Variants in CCDC9 observed in about 807,000 individuals in gnomAD.
The protein encoded by CCDC9 is coiled-coil domain-containing protein 9.
A neutral mutation model predicts 65.6 loss-of-function variants in CCDC9; 52 were observed. The observed-to-expected ratio is 0.79, with a 90% CI of 0.63 to 1.00. The LOEUF (loss-of-function observed/expected upper bound fraction) is 1.00, where lower values mean the gene tolerates loss of function less well. Among genes scored for constraint, CCDC9 ranks in the 50% least tolerant of loss-of-function variants. The pLI, the probability that CCDC9 is intolerant of heterozygous loss-of-function variation, is 0.00. For missense variants in CCDC9, 834 were observed against 757.2 expected (o/e 1.10, Z -1.19); for synonymous variants, 332 against 280.3 (o/e 1.18, Z -1.84).
rs755164287 is a variant in CCDC9 at position 47,266,838 on chromosome 19, GGC to G, written c.902+47_902+48del. 1.3e-5 allele frequency: 21 copies of G among 1,562,878 alleles called. 1 individual carries two copies. In the South Asian group the frequency reaches 2.3e-4, roughly 17 times the overall value. On this transcript the variant is annotated intron_variant, in intron 8 of 11. Transcript: ENST00000221922. ...TCTCCCCATGTGGCACGTTGACCTT[GGC>G]CCTGACTTCTAAGTCCTATGCCTCT... is the stretch of plus-strand genomic sequence containing the variant.
intron 8 of CCDC9, among the ~76,000 whole-genome samples, chr19:47,268,744 C>T (rs1260618373): frequency 2.0e-5 from 3 of 151,504 alleles, no homozygotes; most frequent in South Asian, 2.1e-4. Flanking sequence ...GGTGAAACCC[C>T]GTCTCTACTA....
rs754160225 is a variant in CCDC9, at chr19:47,271,724, TGTGTGTGTGCGCGCGCGCGCGCGCGCGC to T, written c.*48_*75del. On this transcript the variant is annotated 3_prime_UTR_variant, in exon 12 of 12. Coordinates refer to ENST00000221922, the MANE Select transcript of CCDC9 (RefSeq NM_015603.3). Reference sequence around the variant, plus strand: ...GTGTGTGTGTGTGTGTGTGTGTGTGTGTGTGTGTGCGCGCGCGCGCGCGCGCGCGCGCGCGCTAGAGGGGTGTGGCTGG... The same window carrying T: ...GTGTGTGTGTGTGTGTGTGTGTGTGTGCGCGCGCTAGAGGGGTGTGGCTGG... 264 of 1,265,448 alleles carry T rather than the reference TGTGTGTGTGCGCGCGCGCGCGCGCGCGC, an allele frequency of 2.1e-4. 1 individual carries two copies. The highest frequency in any genetic ancestry group is 1.8e-4 in the Non-Finnish European group (178 of 978,792). 78.4% of individuals were successfully genotyped at this position (1,265,448 alleles called of 1,614,324 possible).
In CCDC9 at chr19:47,271,840, G is replaced by T. The variant is rs990561344; in HGVS notation, c.*162G>T. The stretch of plus-strand genomic sequence containing the variant: ...GCCCCACAGCCCTGTCAGCTGAGGG[G>T]GTAGCGCAGCCCATGCTCTTCTGTA... On this transcript the variant is annotated 3_prime_UTR_variant, in exon 12 of 12. Transcript: ENST00000221922. 2.8e-6 allele frequency: 4 copies of T among 1,417,068 alleles called. No individual in the cohort carries two copies. Among genetic ancestry groups the T allele is most frequent in the Non-Finnish European group, 3.7e-6 (4 of 1,089,518 alleles). The allele number at this position is 1,417,068 out of a possible 1,614,324, so 87.8% of individuals were successfully genotyped here. A position where few individuals can be genotyped will look rare whatever the true frequency, so the allele number is the denominator to read the frequency against.
At chr19:47,261,823 C>G (rs1318279650) in intron 5 of CCDC9, among the ~76,000 whole-genome samples, 1 of 151,222 alleles carries the variant, frequency 6.6e-6, no homozygotes, top group East Asian at 2.0e-4. Flanking sequence ...GAGTTCGAGA[C>G]CAGCCTGGCC....
downstream of CCDC9, among the ~76,000 whole-genome samples, chr19:47,274,277 C>T (rs1238166081): frequency 8.1e-6 from 1 of 123,242 alleles, no homozygotes; most frequent in South Asian, 2.8e-4. Context: ...GCTGCCTGGG[C>T]GGGGCCGGAA....
intron 7 of CCDC9, 38 bp from the exon 8 acceptor site, chr19:47,266,573 C>G (rs771309913): frequency 3.4e-6 from 5 of 1,479,918 alleles, no homozygotes; most frequent in Non-Finnish European, 4.5e-6. Context: ...GGGTAGGGTG[C>G]GGGACATCAC....
chr19:47,273,950 C>G, downstream of CCDC9: 1 of 983,200 alleles, frequency 1.0e-6, no homozygotes, highest in Non-Finnish European at 1.2e-6. Flanking sequence ...TCCGTCTTCC[C>G]TCCCCCCTCC....
chr19:47,266,153 G>A (rs977766821), intron 7 of CCDC9: 4 of 152,886 alleles, frequency 2.6e-5, no homozygotes, highest in South Asian at 4.0e-4. Context: ...CCGCTACCAC[G>A]CCCAGCTAAT....
chr19:47,271,608 A>G lies in CCDC9; in HGVS notation c.1526A>G (p.Asn509Ser), dbSNP rs2059118526. 1.2e-6 allele frequency: 2 copies of G among 1,611,562 alleles called. No individual in the cohort carries two copies. Among genetic ancestry groups the G allele is most frequent in the Non-Finnish European group, 1.7e-6 (2 of 1,179,364 alleles). ...GATTGGGGTGAAGAGGTGGAGCTGA[A>G]TTCTCCCCGGACCACTCACCTGGCT... ...VSDWGEEVEL[N>S]SPRTTHLAGA... Residue 509 changes from asparagine to serine, a missense_variant, in exon 12 of 12, where the codon AAT becomes AGT. Coordinates refer to ENST00000221922, the MANE Select transcript of CCDC9 (RefSeq NM_015603.3).
chr19:47,262,790 C>T (rs118133189), intron 5 of CCDC9, among the ~76,000 whole-genome samples: 2 of 152,210 alleles, frequency 1.3e-5, no homozygotes, highest in Admixed American at 6.5e-5. Context: ...CAAGTAGTTA[C>T]TAGCTACTTG....
downstream of CCDC9, chr19:47,275,118 C>T: frequency 6.7e-7 from 1 of 1,492,324 alleles, no homozygotes; most frequent in Middle Eastern, 1.9e-4. Context: ...ACCCGCCGGC[C>T]CACAGCCCAG....
chr19:47,268,201 C>T (rs969327197), intron 8 of CCDC9, among the ~76,000 whole-genome samples: 9 of 152,096 alleles, frequency 5.9e-5, no homozygotes, highest in African/African-American at 1.9e-4. Flanking sequence ...CTTTGTCCCC[C>T]GATTCAGTCA....
In CCDC9 at chr19:47,260,263, G is replaced by T. The variant is rs1433114824; in HGVS notation, c.109-58G>T. 4 of 1,268,260 alleles carry T rather than the reference G, an allele frequency of 3.2e-6. No individual in the cohort carries two copies. In the East Asian group the frequency reaches 1.0e-4, roughly 32 times the overall value. The allele number at this position is 1,268,260 out of a possible 1,614,324, so 78.6% of individuals were successfully genotyped here. Reference sequence around the variant, plus strand: ...ACTTAGGAGGAGTTCAGGGGTCTGGGAGTCCGTCTGGCAGACAGGGCACCT... The same window carrying T: ...ACTTAGGAGGAGTTCAGGGGTCTGGTAGTCCGTCTGGCAGACAGGGCACCT... On this transcript the variant is annotated intron_variant, in intron 3 of 11. Transcript: ENST00000221922.
chr19:47,273,093 T>A (rs1306717924), downstream of CCDC9, among the ~76,000 whole-genome samples: 1 of 152,046 alleles, frequency 6.6e-6, no homozygotes, highest in Admixed American at 6.6e-5. Flanking sequence ...CCAGACCCTC[T>A]GTCTTGGGCC....
chr19:47,258,793 C>G, intron 3 of CCDC9, 130 bp downstream of exon 3: 2 of 663,578 alleles, frequency 3.0e-6, no homozygotes, highest in East Asian at 2.7e-5. Context: ...AGGCCTTAGC[C>G]TGACATCCCT....
chr19:47,265,281 C>T (rs964923771), intron 7 of CCDC9, among the ~76,000 whole-genome samples: 31 of 152,162 alleles, frequency 2.0e-4, no homozygotes, highest in African/African-American at 7.2e-4. Context: ...TCTTGAACTC[C>T]TGACCTCAAG....
chr19:47,275,183 C>T (rs1032403033), downstream of CCDC9: 4 of 1,471,678 alleles, frequency 2.7e-6, no homozygotes, highest in Non-Finnish European at 3.6e-6. Context: ...TCCCGGCGCC[C>T]GCCGCTGCCT....
chr19:47,261,167 C>G (rs1197385330), intron 5 of CCDC9, among the ~76,000 whole-genome samples: 2 of 152,024 alleles, frequency 1.3e-5, no homozygotes, highest in Non-Finnish European at 2.9e-5. Context: ...GTGTCCCTCC[C>G]TGTCCCTCTC....
chr19:47,270,707 G>A lies in CCDC9; in HGVS notation c.1085+19G>A, dbSNP rs1326746518. 2.0e-5 allele frequency: 32 copies of A among 1,603,492 alleles called. No homozygotes were observed. The Admixed American group carries it at 3.7e-4, about 19-fold the overall frequency. ...CCTACAGGTGGGGCACCCCTTCTGCGGGCTTGCATACCCCCAGGGCTCTCC... is the reference window on the plus strand; with the variant it reads ...CCTACAGGTGGGGCACCCCTTCTGCAGGCTTGCATACCCCCAGGGCTCTCC... On this transcript the variant is annotated intron_variant, in intron 10 of 11. Coordinates refer to ENST00000221922, the MANE Select transcript of CCDC9 (RefSeq NM_015603.3).
Sources: gnomAD v4.1 joint callset for allele counts (sites outside exome capture counted in the v4.1 genomes callset) on GRCh38, gnomAD v4.1.1 for gene constraint, MANE v1.5 for transcripts, NCBI Gene and HGNC (gene_info 2026-07-23, HGNC 2026-07-21) for gene names.